The following PCDH15 variants were observed in gnomAD, a reference collection of about 807,000 sequenced individuals.
The protein encoded by PCDH15 is protocadherin related 15.
PCDH15 carries 129 observed loss-of-function variants against 178.5 expected under a neutral mutation model. The ratio of observed to expected loss-of-function variants is 0.72; its 90% CI spans 0.63 to 0.84. The LOEUF is 0.84. Ranked by LOEUF, PCDH15 falls within the 40% of genes least tolerant of loss-of-function variation. The pLI, the probability that PCDH15 is intolerant of heterozygous loss-of-function variation, is 0.00. For synonymous variants in PCDH15, 800 were observed against 732.0 expected (o/e 1.09, Z -1.50); for missense variants, 2,230 against 2,099.9 (o/e 1.06, Z -1.21).
In PCDH15 at chr10:54,834,973, A is replaced by G. The variant is rs75847919; in HGVS notation, c.-29+62477T>C. ...TGAGGATCTCTATTTCATGCAGCAC[A>G]TGGATTGAGAGTTAAAGGTCAATTA... On this transcript the variant is annotated intron_variant, in intron 3 of 5. Transcript: ENST00000458638. Among the ~76,000 whole-genome samples, 364 of 152,270 alleles carry G rather than the reference A, an allele frequency of 2.4e-3. 7 individuals are homozygous for G. In the East Asian group the frequency reaches 0.044, roughly 18 times the overall value.
In PCDH15 at chr10:53,833,546, A is replaced by G. The variant is rs556083954; in HGVS notation, c.3984-2013T>C. Among the ~76,000 whole-genome samples, 6 of 152,218 alleles carry G rather than the reference A, an allele frequency of 3.9e-5. No individual in the cohort carries two copies. In the South Asian group the frequency reaches 1.2e-3, roughly 32 times the overall value. ...TGTCATTTTATCATGCAAATGAGATATGCAGGGCTTACCTAATTTTTGTTC... is the reference window on the plus strand; with the variant it reads ...TGTCATTTTATCATGCAAATGAGATGTGCAGGGCTTACCTAATTTTTGTTC... On this transcript the variant is annotated intron_variant, in intron 29 of 37. Coordinates refer to ENST00000644397, the MANE Select transcript of PCDH15 (RefSeq NM_001384140.1).
intron 22 of PCDH15, 104 bp from the exon 23 acceptor site, chr10:53,959,948 A>G: frequency 1.1e-6 from 1 of 876,998 alleles, no homozygotes; most frequent in African/African-American, 1.7e-5. Flanking sequence ...CTGGTTCCAG[A>G]AGGGGAAGCA....
chr10:55,364,205 A>C (rs1565060045), intron 2 of PCDH15, among the ~76,000 whole-genome samples: 2 of 152,050 alleles, frequency 1.3e-5, no homozygotes, highest in South Asian at 4.1e-4. Flanking sequence ...AAGTTTCCTG[A>C]GGCCTCCCCA....
intron 3 of PCDH15, among the ~76,000 whole-genome samples, chr10:54,888,806 G>A (rs1351397104): frequency 7.4e-6 from 1 of 135,000 alleles, no homozygotes; most frequent in Non-Finnish European, 1.6e-5. Context: ...TTTTTTTTAA[G>A]TGGGCTATTT....
chr10:55,224,918 T>C (rs1840983975), intron 1 of PCDH15, among the ~76,000 whole-genome samples: 1 of 152,086 alleles, frequency 6.6e-6, no homozygotes, highest in Admixed American at 6.5e-5. Flanking sequence ...TATTCTCATC[T>C]TGAAAAGCAG....
Position 54,383,198 on chromosome 10 carries a change from C to T in PCDH15, c.158-4256G>A, listed in dbSNP as rs11004269. ...AATGTAAAATGTACTTTCTGTACAA[C>T]TGAAATAAGAGAAGCACAGAACATA... On this transcript the variant is annotated intron_variant, in intron 3 of 37. Coordinates refer to ENST00000644397, the MANE Select transcript of PCDH15 (RefSeq NM_001384140.1). Among the ~76,000 whole-genome samples, 9 of 150,782 alleles carry T rather than the reference C, an allele frequency of 6.0e-5. No homozygotes were observed. The East Asian group carries it at 1.6e-3, about 26-fold the overall frequency.
chr10:53,928,027 G>A (rs529632317), intron 25 of PCDH15, among the ~76,000 whole-genome samples: 1 of 151,992 alleles, frequency 6.6e-6, no homozygotes. Flanking sequence ...AGACATTTAG[G>A]TATAGACATT....
chr10:54,194,422 T>A (rs1418653470), intron 11 of PCDH15, among the ~76,000 whole-genome samples: 1 of 152,170 alleles, frequency 6.6e-6, no homozygotes, highest in Non-Finnish European at 1.5e-5. Context: ...GGCTACTATG[T>A]TGGACAGTAC....
intron 2 of PCDH15, among the ~76,000 whole-genome samples, chr10:54,554,663 T>G (rs1381113542): frequency 6.6e-6 from 1 of 152,080 alleles, no homozygotes; most frequent in African/African-American, 2.4e-5. Flanking sequence ...GAACAGGACC[T>G]CCAACACCTT....
At chr10:53,851,124 C>T (rs973526140) in intron 28 of PCDH15, among the ~76,000 whole-genome samples, 8 of 152,078 alleles carry the variant, frequency 5.3e-5, no homozygotes, top group African/African-American at 1.9e-4. Context: ...CTCTTCCTCT[C>T]TCATAGTCAA....
At chr10:54,395,935 A>G (rs1320611207) in intron 3 of PCDH15, among the ~76,000 whole-genome samples, 1 of 152,138 alleles carries the variant, frequency 6.6e-6, no homozygotes, top group Non-Finnish European at 1.5e-5. Flanking sequence ...CTCTTGCTGA[A>G]CCAATTTACC....
In PCDH15 at chr10:54,427,183, T is replaced by C. The variant is rs577379586; in HGVS notation, c.158-48241A>G. Among the ~76,000 whole-genome samples the C allele has an allele frequency of 2.6e-5, 4 of 151,746 alleles. No homozygotes were observed. In the South Asian group the frequency reaches 8.3e-4, roughly 32 times the overall value. On this transcript the variant is annotated intron_variant, in intron 3 of 37. Coordinates refer to ENST00000644397, the MANE Select transcript of PCDH15 (RefSeq NM_001384140.1). Reference sequence around the variant, plus strand: ...ACTCCACAGCTATCAAGTTTGTTTGTGTTTCTTTCTCAAGTAAGCTATCTT... The same window carrying C: ...ACTCCACAGCTATCAAGTTTGTTTGCGTTTCTTTCTCAAGTAAGCTATCTT...
intron 2 of PCDH15, among the ~76,000 whole-genome samples, chr10:55,491,263 C>G (rs978043886): frequency 6.6e-6 from 1 of 151,690 alleles, no homozygotes; most frequent in African/African-American, 2.4e-5. Context: ...GATAGAGTGC[C>G]AGTATTTTTC....
At chr10:54,148,143 T>C (rs1180614737) in intron 14 of PCDH15, among the ~76,000 whole-genome samples, 1 of 152,072 alleles carries the variant, frequency 6.6e-6, no homozygotes, top group East Asian at 1.9e-4. Context: ...ATGAAGCTAT[T>C]ATTTAAAACG....
chr10:55,440,449 T>A (rs2132067957), intron 2 of PCDH15, among the ~76,000 whole-genome samples: 1 of 152,082 alleles, frequency 6.6e-6, no homozygotes, highest in Admixed American at 6.5e-5. Flanking sequence ...AACTAACAAT[T>A]CAGAAAAGTG....
chr10:54,858,010 T>G, intron 3 of PCDH15, among the ~76,000 whole-genome samples: 1 of 152,182 alleles, frequency 6.6e-6, no homozygotes, highest in East Asian at 1.9e-4. Flanking sequence ...ACTAGGGTTA[T>G]GTTGCCTGTG....
intron 2 of PCDH15, among the ~76,000 whole-genome samples, chr10:54,911,327 GTTA>G (rs1954810244): frequency 6.6e-6 from 1 of 152,062 alleles, no homozygotes; most frequent in Non-Finnish European, 1.5e-5. Flanking sequence ...ACAAATTTTT[GTTA>G]TAAGTTTTAG....
chr10:54,464,740 C>A (rs144985067), intron 3 of PCDH15, among the ~76,000 whole-genome samples: 1 of 152,158 alleles, frequency 6.6e-6, no homozygotes, highest in Non-Finnish European at 1.5e-5. Context: ...CTTCCCTCTC[C>A]GGTTGACCTT....
intron 8 of PCDH15, among the ~76,000 whole-genome samples, chr10:54,263,721 G>A (rs7092744): frequency 0.7 from 106,189 of 151,960 alleles, 37,991 homozygotes; most frequent in Middle Eastern, 0.76. Flanking sequence ...TACTTTCAAG[G>A]AGAATAAAAA....
Sources: gnomAD v4.1 joint callset for allele counts (sites outside exome capture counted in the v4.1 genomes callset) on GRCh38, gnomAD v4.1.1 for gene constraint, MANE v1.5 for transcripts, NCBI Gene and HGNC (gene_info 2026-07-23, HGNC 2026-07-21) for gene names.